NTN1: variants seen among roughly 807,000 people sequenced by gnomAD.
NTN1 encodes the protein netrin-1.
NTN1 carries 11 observed loss-of-function variants against 54.2 expected under a neutral mutation model. The ratio of observed to expected loss-of-function variants is 0.20; its 90% CI spans 0.13 to 0.34. The LOEUF (loss-of-function observed/expected upper bound fraction) is 0.34, where lower values mean the gene tolerates loss of function less well. Ranked by LOEUF, NTN1 falls within the 10% of genes least tolerant of loss-of-function variation. The pLI is 1.00. For synonymous variants in NTN1, 371 were observed against 382.0 expected (o/e 0.97, Z 0.33); for missense variants, 740 against 893.1 (o/e 0.83, Z 2.18).
chr17:9,171,408 ATTGT>A (rs912091417), intron 3 of NTN1: 42 of 152,362 alleles, frequency 2.8e-4, no homozygotes, highest in African/African-American at 8.9e-4. Context: ...TGGTAACAAG[ATTGT>A]TTGTTCATTT....
At chr17:9,084,064 T>C (rs1176759131) in intron 2 of NTN1, among the ~76,000 whole-genome samples, 1 of 151,738 alleles carries the variant, frequency 6.6e-6, no homozygotes, top group Non-Finnish European at 1.5e-5. Context: ...TTCTTTTAGA[T>C]GGAAAGCTTC....
intron 6 of NTN1, among the ~76,000 whole-genome samples, chr17:9,225,288 T>C (rs1447180074): frequency 6.6e-6 from 1 of 151,676 alleles, no homozygotes; most frequent in African/African-American, 2.4e-5. Context: ...TGGGGAGTCC[T>C]CCCCACCCTC....
intron 3 of NTN1, chr17:9,176,173 C>G (rs564087476): frequency 1.7e-4 from 3 of 17,952 alleles, no homozygotes; most frequent in South Asian, 2.1e-3. Flanking sequence ...CCTCCCCTGC[C>G]CCCCCGTGGC....
intron 2 of NTN1, among the ~76,000 whole-genome samples, chr17:9,114,164 A>AT (rs1404097905): frequency 5.8e-4 from 47 of 80,494 alleles, no homozygotes; most frequent in African/African-American, 2.0e-3. Flanking sequence ...AAAAAAAAAA[A>AT]AAATATATAT....
chr17:9,163,458 G>A (rs929182652), intron 3 of NTN1, among the ~76,000 whole-genome samples: 25 of 96,910 alleles, frequency 2.6e-4, no homozygotes, highest in Non-Finnish European at 3.5e-4. Flanking sequence ...TGTGCGCACC[G>A]CCCCTCACTC....
chr17:9,121,211 AG>A (rs2092230753), intron 2 of NTN1, among the ~76,000 whole-genome samples: 1 of 152,188 alleles, frequency 6.6e-6, no homozygotes, highest in African/African-American at 2.4e-5. Context: ...TTCCTCCCAA[AG>A]GATAGTTTTC....
intron 6 of NTN1, among the ~76,000 whole-genome samples, chr17:9,223,333 C>CT (rs1905428540): frequency 6.6e-6 from 1 of 152,148 alleles, no homozygotes; most frequent in African/African-American, 2.4e-5. Flanking sequence ...GGGCAGATCA[C>CT]CTGAGGGTGA....
At chr17:9,121,332 G>A (rs1247339899) in intron 2 of NTN1, among the ~76,000 whole-genome samples, 3 of 152,016 alleles carry the variant, frequency 2.0e-5, no homozygotes, top group African/African-American at 4.8e-5. Context: ...CTTGATGTGC[G>A]GGGGTAGCTG....
intron 2 of NTN1, among the ~76,000 whole-genome samples, chr17:9,075,315 T>C (rs1054034706): frequency 5.3e-5 from 8 of 152,058 alleles, no homozygotes; most frequent in Admixed American, 2.0e-4. Context: ...ACCCTGTCTC[T>C]AGTAAAAATA....
chr17:9,183,138 G>A (rs1047843665), intron 5 of NTN1, 169 bp downstream of exon 5: 21 of 721,868 alleles, frequency 2.9e-5, no homozygotes, highest in Non-Finnish European at 4.5e-5. Context: ...GGAGCTATAG[G>A]ACACTATTTT....
upstream of NTN1, among the ~76,000 whole-genome samples, chr17:9,020,512 G>A (rs889921787): frequency 4.6e-5 from 7 of 152,254 alleles, no homozygotes; most frequent in African/African-American, 9.6e-5. Flanking sequence ...AGTGGAAGGA[G>A]CCCAGGCTTC....
intron 5 of NTN1, among the ~76,000 whole-genome samples, chr17:9,188,688 G>C (rs1904359548): frequency 6.6e-6 from 1 of 152,122 alleles, no homozygotes. Flanking sequence ...TTTAGCTGTG[G>C]GTGTATGGCT....
At chr17:9,057,395 C>A (rs1043168911) in intron 2 of NTN1, among the ~76,000 whole-genome samples, 3 of 152,114 alleles carry the variant, frequency 2.0e-5, no homozygotes, top group Non-Finnish European at 4.4e-5. Context: ...GATCCTGTGA[C>A]CCCTGAGTCT....
At chr17:9,114,923 A>G (rs908974552) in intron 2 of NTN1, among the ~76,000 whole-genome samples, 2 of 151,938 alleles carry the variant, frequency 1.3e-5, no homozygotes, top group African/African-American at 4.8e-5. Flanking sequence ...CTGTCTTTGG[A>G]TTGTGAACCA....
At chr17:9,131,816 AT>A (rs1210692641) in intron 2 of NTN1, among the ~76,000 whole-genome samples, 1 of 146,100 alleles carries the variant, frequency 6.8e-6, no homozygotes, top group Non-Finnish European at 1.5e-5. Flanking sequence ...TATTATTATC[AT>A]TTTTAAGACG....
the NTN1 span, among the ~76,000 whole-genome samples, chr17:9,013,364 G>T: frequency 4.6e-5 from 7 of 151,894 alleles, no homozygotes; most frequent in East Asian, 1.4e-3. Flanking sequence ...TTACAGGCAT[G>T]CGCCACCACA....
rs750452020 is a variant in NTN1 at position 9,221,256 on chromosome 17, C to T, written c.1486+14C>T. On this transcript the variant is annotated intron_variant, in intron 6 of 6. Transcript: ENST00000173229. This position sits in a 1 kb window ranked among gnomAD's most constrained non-coding sequence, Gnocchi z 4.5. ...AGAAGGACTATGGTGAGTGAGAGTCCCCTTGTCTGGGGAGGATGGGAGGGG... is the reference window on the plus strand; with the variant it reads ...AGAAGGACTATGGTGAGTGAGAGTCTCCTTGTCTGGGGAGGATGGGAGGGG... The T allele has an allele frequency of 6.2e-7, 1 of 1,606,710 alleles. No homozygotes were observed. The highest frequency in any genetic ancestry group is 1.1e-5 in the South Asian group (1 of 90,894).
chr17:9,187,379 T>C (rs1026032593), intron 5 of NTN1, among the ~76,000 whole-genome samples: 2 of 151,808 alleles, frequency 1.3e-5, no homozygotes, highest in African/African-American at 4.8e-5. Context: ...AGCAGAGAGG[T>C]AAGAACTAGA....
intron 2 of NTN1, among the ~76,000 whole-genome samples, chr17:9,097,734 C>T (rs932199552): frequency 1.3e-5 from 2 of 152,128 alleles, no homozygotes; most frequent in African/African-American, 4.8e-5. Flanking sequence ...GCACACTATT[C>T]ATGCAGTTAA....
Sources: gnomAD v4.1 joint callset for allele counts (sites outside exome capture counted in the v4.1 genomes callset) on GRCh38, gnomAD v4.1.1 for gene constraint, Gnocchi (gnomAD v3.1) non-coding constraint, MANE v1.5 for transcripts, NCBI Gene and HGNC (gene_info 2026-07-23, HGNC 2026-07-21) for gene names.